The following KLF12 variants were observed in gnomAD, a reference collection of about 807,000 sequenced individuals.
The protein encoded by KLF12 is KLF transcription factor 12.
A neutral mutation model predicts 37.8 loss-of-function variants in KLF12; 9 were observed. The observed-to-expected ratio is 0.24, with a 90% CI of 0.14 to 0.42. KLF12 has a LOEUF of 0.42. Ranked by LOEUF, KLF12 falls within the 10% of genes least tolerant of loss-of-function variation. KLF12 has a pLI of 1.00. For synonymous variants in KLF12, 208 were observed against 202.1 expected (o/e 1.03, Z -0.25); for missense variants, 411 against 516.0 (o/e 0.80, Z 1.97).
chr13:73,812,872 ATT>A (rs941969906), intron 5 of KLF12: 112 of 244,298 alleles, frequency 4.6e-4, no homozygotes, highest in Middle Eastern at 1.2e-3. Context: ...AAAAATAACA[ATT>A]TTTTTTTTTT....
chr13:73,760,496 AT>A (rs1292293001), intron 6 of KLF12, among the ~76,000 whole-genome samples: 1 of 152,030 alleles, frequency 6.6e-6, no homozygotes, highest in Non-Finnish European at 1.5e-5. Flanking sequence ...TTAAAAGGAA[AT>A]AAAAAATAGT....
chr13:73,789,263 T>G (rs1203146383), intron 5 of KLF12, among the ~76,000 whole-genome samples: 1 of 152,200 alleles, frequency 6.6e-6, no homozygotes, highest in Non-Finnish European at 1.5e-5. Flanking sequence ...AGTCACAAAA[T>G]ACCTTCTCCA....
chr13:74,011,567 A>C (rs1490988078), intron 1 of KLF12, among the ~76,000 whole-genome samples: 1 of 152,236 alleles, frequency 6.6e-6, no homozygotes, highest in Non-Finnish European at 1.5e-5. Context: ...CAGATCAAAA[A>C]TATTCAAGAA....
intron 6 of KLF12, among the ~76,000 whole-genome samples, chr13:73,717,943 T>C (rs1025769093): frequency 1.3e-5 from 2 of 152,146 alleles, no homozygotes; most frequent in African/African-American, 4.8e-5. Flanking sequence ...ATATTGATCT[T>C]GGCACTTCCT....
chr13:73,728,569 A>G (rs1485885377), intron 6 of KLF12, among the ~76,000 whole-genome samples: 1 of 152,220 alleles, frequency 6.6e-6, no homozygotes, highest in East Asian at 1.9e-4. Context: ...AGTTTTTCAT[A>G]GATGCATTTT....
chr13:73,987,796 G>A (rs1891864797), intron 2 of KLF12, among the ~76,000 whole-genome samples: 2 of 131,170 alleles, frequency 1.5e-5, no homozygotes, highest in Admixed American at 1.5e-4. Flanking sequence ...AGTGGGAGAG[G>A]AGAGAGAAAG....
the KLF12 span, among the ~76,000 whole-genome samples, chr13:74,198,343 T>G: frequency 6.6e-6 from 1 of 152,118 alleles, no homozygotes; most frequent in African/African-American, 2.4e-5. Context: ...AATCCCAGAA[T>G]GGTAGGATTT....
intron 2 of KLF12, among the ~76,000 whole-genome samples, chr13:73,963,561 T>C (rs1274251571): frequency 6.6e-6 from 1 of 152,234 alleles, no homozygotes; most frequent in Non-Finnish European, 1.5e-5. Context: ...CATTCAACAA[T>C]GTTTTTGGAA....
At chr13:73,814,490 A>C (rs1434939288) in intron 4 of KLF12, among the ~76,000 whole-genome samples, 1 of 152,184 alleles carries the variant, frequency 6.6e-6, no homozygotes. Flanking sequence ...CGGTTTCAAC[A>C]TATTTCATCA....
the KLF12 span, among the ~76,000 whole-genome samples, chr13:74,145,622 T>C: frequency 6.6e-6 from 1 of 152,206 alleles, no homozygotes; most frequent in African/African-American, 2.4e-5. Context: ...CATGTGCTAA[T>C]AAAAATATTT....
At chr13:74,175,750 A>G in the KLF12 span, among the ~76,000 whole-genome samples, 3 of 152,210 alleles carry the variant, frequency 2.0e-5, no homozygotes, top group Non-Finnish European at 4.4e-5. Context: ...AATGTGGAGC[A>G]AAGGCACCAG....
At chr13:73,987,857 AG>A (rs1891867342) in intron 2 of KLF12, among the ~76,000 whole-genome samples, 1 of 151,194 alleles carries the variant, frequency 6.6e-6, no homozygotes, top group South Asian at 2.1e-4. Context: ...AAGAGGAAAG[AG>A]GAACTGCAGG....
At chr13:74,163,000 G>A in the KLF12 span, among the ~76,000 whole-genome samples, 13 of 152,126 alleles carry the variant, frequency 8.5e-5, no homozygotes, top group Non-Finnish European at 1.5e-5. Flanking sequence ...GTAGAAGAAT[G>A]GAGATAAAAG....
In KLF12 at chr13:73,697,394, G is replaced by T. The variant is rs527459779; in HGVS notation, c.1028-1723C>A. 2.0e-5 allele frequency among the ~76,000 whole-genome samples: 3 copies of T among 152,190 alleles called. No homozygotes were observed. The East Asian group carries it at 5.8e-4, about 29-fold the overall frequency. The stretch of plus-strand genomic sequence containing the variant: ...GGCTCCTTTTAAGAAAAAGCCTACT[G>T]CCTGGATTGACACCAAACCTCAACT... On this transcript the variant is annotated intron_variant, in intron 7 of 7. Transcript: ENST00000377669.
intron 4 of KLF12, among the ~76,000 whole-genome samples, chr13:73,842,767 G>A (rs999455972): frequency 2.6e-5 from 4 of 152,092 alleles, no homozygotes; most frequent in African/African-American, 9.7e-5. Context: ...ATACACATCC[G>A]AAGTAGGAAG....
At chr13:73,725,283 T>A (rs1297825598) in intron 6 of KLF12, among the ~76,000 whole-genome samples, 2 of 152,100 alleles carry the variant, frequency 1.3e-5, no homozygotes, top group Non-Finnish European at 2.9e-5. Context: ...GTATGTTTAG[T>A]AGAGACGGGG....
intron 1 of KLF12, among the ~76,000 whole-genome samples, chr13:74,036,624 T>A (rs577495200): frequency 4.6e-5 from 7 of 152,300 alleles, no homozygotes; most frequent in Admixed American, 4.6e-4. Flanking sequence ...CAGGTTTTTC[T>A]TGCTGGCTTC....
At chr13:73,866,318 T>C (rs147380274) in intron 3 of KLF12, among the ~76,000 whole-genome samples, 2,096 of 152,182 alleles carry the variant, frequency 0.014, 59 homozygotes, top group South Asian at 0.097. Context: ...ATGTGTGTAA[T>C]TGGAGGCCCA....
At chr13:73,865,928 C>T (rs7990760) in intron 3 of KLF12, among the ~76,000 whole-genome samples, 151,958 of 152,326 alleles carry the variant, frequency 1, 75,795 homozygotes, top group Non-Finnish European at 1. Flanking sequence ...AAAATGAGAA[C>T]GTAGTTCAAG....
Sources: gnomAD v4.1 joint callset for allele counts (sites outside exome capture counted in the v4.1 genomes callset) on GRCh38, gnomAD v4.1.1 for gene constraint, MANE v1.5 for transcripts, NCBI Gene and HGNC (gene_info 2026-07-23, HGNC 2026-07-21) for gene names.